MAPKAP1: variants seen among roughly 807,000 people sequenced by gnomAD.
The protein encoded by MAPKAP1 is target of rapamycin complex 2 subunit MAPKAP1.
Under a neutral mutation model 65.7 loss-of-function variants are expected in MAPKAP1, and 20 were observed. That is an observed-to-expected ratio of 0.30 (90% confidence interval 0.21 to 0.44). MAPKAP1 has a LOEUF of 0.44. Among genes scored for constraint, MAPKAP1 ranks in the 20% least tolerant of loss-of-function variants. The probability of loss-of-function intolerance (pLI) is 1.00; values close to 1 mark genes in which losing one functional copy is unlikely to be tolerated. For missense variants in MAPKAP1, 423 were observed against 648.0 expected (o/e 0.65, Z 3.77); for synonymous variants, 222 against 244.3 (o/e 0.91, Z 0.85).
intron 6 of MAPKAP1, among the ~76,000 whole-genome samples, chr9:125,550,332 C>A (rs1830549732): frequency 6.6e-6 from 1 of 152,142 alleles, no homozygotes; most frequent in Non-Finnish European, 1.5e-5. Flanking sequence ...CAGAGGAAAT[C>A]AAAATGAGAC....
At chr9:125,616,198 C>T (rs62570233) in intron 4 of MAPKAP1, among the ~76,000 whole-genome samples, 4,998 of 152,178 alleles carry the variant, frequency 0.033, 89 homozygotes, top group Non-Finnish European at 0.05. Context: ...GAAATCAGAC[C>T]TCTACCTCAC....
At chr9:125,657,228 T>G (rs1188084667) in intron 4 of MAPKAP1, among the ~76,000 whole-genome samples, 1 of 152,140 alleles carries the variant, frequency 6.6e-6, no homozygotes, top group Non-Finnish European at 1.5e-5. Flanking sequence ...TCAAGTATAC[T>G]TAGGAGATAA....
intron 3 of MAPKAP1, among the ~76,000 whole-genome samples, chr9:125,659,168 C>T (rs1451850396): frequency 6.6e-6 from 1 of 152,126 alleles, no homozygotes; most frequent in African/African-American, 2.4e-5. Context: ...TTCATGCTTA[C>T]AATTGGGAAA....
At chr9:125,559,915 A>C in intron 5 of MAPKAP1, 106 bp from the exon 6 acceptor site, 1 of 1,108,478 alleles carries the variant, frequency 9.0e-7, no homozygotes, top group Non-Finnish European at 1.3e-6. Context: ...GCTTTTCTTT[A>C]CCCCAAGCCT....
intron 9 of MAPKAP1, among the ~76,000 whole-genome samples, chr9:125,473,454 G>C (rs1411166547): frequency 1.3e-5 from 2 of 152,156 alleles, no homozygotes; most frequent in East Asian, 1.9e-4. Flanking sequence ...CACACCAACT[G>C]TCAAAGGCAG....
chr9:125,446,001 G>T (rs1852699279), intron 10 of MAPKAP1, among the ~76,000 whole-genome samples: 1 of 152,172 alleles, frequency 6.6e-6, no homozygotes, highest in African/African-American at 2.4e-5. Flanking sequence ...CTTAGTGTCT[G>T]TAAGATTAAA....
At chr9:125,617,513 C>T (rs1454667664) in intron 4 of MAPKAP1, among the ~76,000 whole-genome samples, 1 of 152,134 alleles carries the variant, frequency 6.6e-6, no homozygotes. Flanking sequence ...GTAATTCTTA[C>T]ACATTTAAAA....
At chr9:125,444,292 G>A (rs1427709715) in intron 11 of MAPKAP1, among the ~76,000 whole-genome samples, 1 of 152,264 alleles carries the variant, frequency 6.6e-6, no homozygotes, top group Non-Finnish European at 1.5e-5. Context: ...TGAAGCAGGT[G>A]CAGAGCAGCT....
At chr9:125,456,926 G>A (rs529988135) in intron 10 of MAPKAP1, among the ~76,000 whole-genome samples, 2 of 152,062 alleles carry the variant, frequency 1.3e-5, no homozygotes, top group African/African-American at 4.8e-5. Flanking sequence ...TTTGTTTTGT[G>A]GCAATAGATA....
At chr9:125,650,620 G>A (rs1276639922) in intron 4 of MAPKAP1, among the ~76,000 whole-genome samples, 2 of 152,124 alleles carry the variant, frequency 1.3e-5, no homozygotes, top group African/African-American at 4.8e-5. Context: ...TTAAGCCAAT[G>A]GTGAATTCTA....
At chr9:125,672,215 G>A (rs1281191856) in intron 2 of MAPKAP1, 101 bp downstream of exon 2, 98 of 1,336,216 alleles carry the variant, frequency 7.3e-5, no homozygotes, top group Non-Finnish European at 4.9e-5. Context: ...ATTAATACCC[G>A]GAAACATCCC....
chr9:125,479,097 G>A (rs1854213591), intron 9 of MAPKAP1, among the ~76,000 whole-genome samples: 2 of 152,180 alleles, frequency 1.3e-5, no homozygotes, highest in South Asian at 4.1e-4. Flanking sequence ...GATAAAATCA[G>A]TACTATCTAA....
intron 4 of MAPKAP1, among the ~76,000 whole-genome samples, chr9:125,603,854 C>A (rs532241441): frequency 6.6e-6 from 1 of 152,030 alleles, no homozygotes; most frequent in Non-Finnish European, 1.5e-5. Context: ...TAACCTGCCC[C>A]GAGAGGTGGG....
chr9:125,665,934 G>A (rs1302537277), intron 3 of MAPKAP1, among the ~76,000 whole-genome samples: 10 of 152,158 alleles, frequency 6.6e-5, no homozygotes, highest in Non-Finnish European at 1.0e-4. Flanking sequence ...ATTAGACTTC[G>A]AACTTCTTGA....
chr9:125,627,557 A>G (rs1167790822), intron 4 of MAPKAP1, among the ~76,000 whole-genome samples: 3 of 152,092 alleles, frequency 2.0e-5, no homozygotes. Flanking sequence ...ACCGGAACAC[A>G]TTAGGAAGGC....
chr9:125,545,807 G>T (rs553375791), intron 6 of MAPKAP1, among the ~76,000 whole-genome samples: 178 of 152,260 alleles, frequency 1.2e-3, no homozygotes, highest in Non-Finnish European at 2.1e-3. Flanking sequence ...TGGGTGACAA[G>T]GTTAAAGCAA....
At chr9:125,443,843 C>T (rs570607097) in intron 11 of MAPKAP1, among the ~76,000 whole-genome samples, 2 of 152,188 alleles carry the variant, frequency 1.3e-5, no homozygotes, top group East Asian at 3.9e-4. Flanking sequence ...GCTCTCCCTG[C>T]CTCCATACCT....
Position 125,438,850 on chromosome 9 carries a change from T to G in MAPKAP1, c.*37A>C. The G allele has an allele frequency of 6.2e-7, 1 of 1,613,536 alleles. No homozygotes were observed. The highest frequency in any genetic ancestry group is 8.5e-7 in the Non-Finnish European group (1 of 1,179,688). ...GGGCACTTGGCCCTGGCAGGCAGGCTCTGAGCTACGGAACAGATTGAGGCT... is the reference window on the plus strand; with the variant it reads ...GGGCACTTGGCCCTGGCAGGCAGGCGCTGAGCTACGGAACAGATTGAGGCT... On this transcript the variant is annotated 3_prime_UTR_variant, in exon 12 of 12. Coordinates refer to ENST00000265960, the MANE Select transcript of MAPKAP1 (RefSeq NM_001006617.3).
chr9:125,530,131 G>C (rs895605040), intron 7 of MAPKAP1, among the ~76,000 whole-genome samples: 2 of 152,134 alleles, frequency 1.3e-5, no homozygotes, highest in Non-Finnish European at 2.9e-5. Context: ...TCCTGTGGTG[G>C]GGTAACTCTA....
Sources: allele counts gnomAD v4.1 joint callset (sites outside exome capture counted in the v4.1 genomes callset), GRCh38; gene constraint gnomAD v4.1.1; transcripts MANE v1.5; gene names NCBI Gene and HGNC (gene_info 2026-07-23, HGNC 2026-07-21).